The following CIZ1 variants were observed in gnomAD, a reference collection of about 807,000 sequenced individuals.
The protein encoded by CIZ1 is cip1-interacting zinc finger protein.
A neutral mutation model predicts 118.6 loss-of-function variants in CIZ1; 58 were observed. The ratio of observed to expected loss-of-function variants is 0.49; its 90% CI spans 0.40 to 0.61. The LOEUF is 0.61. Ranked by LOEUF, CIZ1 falls within the 20% of genes least tolerant of loss-of-function variation. CIZ1 has a pLI of 0.00. For synonymous variants in CIZ1, 448 were observed against 443.4 expected (o/e 1.01, Z -0.13); for missense variants, 921 against 1,115.9 (o/e 0.83, Z 2.49).
At position 128,190,369 on chromosome 9, in the gene CIZ1, G is replaced by A. The variant is rs149987397; in HGVS notation, c.246C>T (p.Gly82=). 6.2e-7 allele frequency: 1 copy of A among 1,614,048 alleles called. No homozygotes were observed. Among genetic ancestry groups the A allele is most frequent in the Non-Finnish European group, 8.5e-7 (1 of 1,179,924 alleles). ...AAAGCAAAGCTCTCTGCAGCATGGA[G>A]CCGTTGAGGAGGGAGGCTGAGTTGG... ...QGTNSASLLN[G]SMLQRALLLQ... The change falls in exon 3 of 17, where the codon GGC becomes GGT. Residue 82 remains glycine (G), a synonymous_variant. Transcript: ENST00000372938.
At chr9:128,196,225 G>A (rs538986192), upstream of CIZ1, among the ~76,000 whole-genome samples, 5 of 152,158 alleles carry the variant, frequency 3.3e-5, no homozygotes, top group African/African-American at 7.2e-5. Flanking sequence ...AAAAACTGAC[G>A]TCTTTACCCC....
chr9:128,168,888 A>G (rs533939086), intron 14 of CIZ1, 164 bp downstream of exon 14: 8 of 998,028 alleles, frequency 8.0e-6, no homozygotes, highest in African/African-American at 1.6e-5. Context: ...GTCATCATGC[A>G]TAATTACATA....
At chr9:128,168,344 C>T (rs1261130497) in intron 14 of CIZ1, among the ~76,000 whole-genome samples, 7 of 151,944 alleles carry the variant, frequency 4.6e-5, no homozygotes, top group South Asian at 2.1e-4. Context: ...GGTGAAACCC[C>T]GTCTCTACTA....
upstream of CIZ1, chr9:128,191,938 A>G: frequency 7.0e-7 from 1 of 1,424,842 alleles, no homozygotes; most frequent in Non-Finnish European, 9.2e-7. The surrounding 1 kb of genome is among the most constrained non-coding windows in gnomAD (Gnocchi z 5.5). Flanking sequence ...GCGGATGTAC[A>G]TTCATTCGAG....
intron 5 of CIZ1, 73 bp downstream of exon 5, chr9:128,185,474 G>A: frequency 2.0e-6 from 2 of 987,808 alleles, no homozygotes; most frequent in South Asian, 1.6e-5. Flanking sequence ...CCCAGACTGA[G>A]CCAGAGCAGG....
chr9:128,179,444 C>A lies in CIZ1; in HGVS notation c.792-29G>T, dbSNP rs1337122557. ...GGAAGGATCAAAAAAAAATCCCAGT[C>A]ATGTCTTCAAAGAGGCCCCAGGGGC... On this transcript the variant is annotated intron_variant, in intron 7 of 16. Coordinates refer to ENST00000372938, the MANE Select transcript of CIZ1 (RefSeq NM_001131016.2). 4 of 1,539,656 alleles carry A rather than the reference C, an allele frequency of 2.6e-6. No individual in the cohort carries two copies. In the South Asian group the frequency reaches 3.8e-5, roughly 15 times the overall value.
rs1833084808 is a variant in CIZ1, at chr9:128,191,113, C to A, written c.-5-251G>T. On this transcript the variant is annotated intron_variant, in intron 1 of 16. Transcript: ENST00000372938. The surrounding 1 kb of genome is among the most constrained non-coding windows in gnomAD (Gnocchi z 5.5). ...CCCCCAGACACTGCCAACAGCCCCTCCTTCAAGTCCCTCCATCTCTCCATT... is the reference window on the plus strand; with the variant it reads ...CCCCCAGACACTGCCAACAGCCCCTACTTCAAGTCCCTCCATCTCTCCATT... 6.6e-6 allele frequency among the ~76,000 whole-genome samples: 1 copy of A among 152,138 alleles called. No individual in the cohort carries two copies. Among genetic ancestry groups the A allele is most frequent in the Admixed American group, 6.5e-5 (1 of 15,274 alleles).
At chr9:128,168,944 G>C (rs1425075040) in intron 14 of CIZ1, 108 bp downstream of exon 14, 3 of 1,498,730 alleles carry the variant, frequency 2.0e-6, no homozygotes, top group Non-Finnish European at 2.7e-6. Flanking sequence ...GCATGCATTA[G>C]TGCCCACAGA....
chr9:128,170,143 GC>G, intron 11 of CIZ1, 36 bp from the exon 12 acceptor site: 1 of 1,569,586 alleles, frequency 6.4e-7, no homozygotes, highest in Non-Finnish European at 8.8e-7. Context: ...ACAATGTGAC[GC>G]CAGAAAGACA....
chr9:128,180,587 A>T lies in CIZ1; in HGVS notation c.683-64T>A, dbSNP rs925079953. 13 of 1,480,832 alleles carry T rather than the reference A, an allele frequency of 8.8e-6. No homozygotes were observed. The Admixed American group carries it at 2.2e-4, about 25-fold the overall frequency. The allele number at this position is 1,480,832 out of a possible 1,614,324, so 91.7% of individuals were successfully genotyped here. A position where few individuals can be genotyped will look rare whatever the true frequency, so the allele number is the denominator to read the frequency against. On this transcript the variant is annotated intron_variant, in intron 6 of 16. Coordinates refer to ENST00000372938, the MANE Select transcript of CIZ1 (RefSeq NM_001131016.2). Reference sequence around the variant, plus strand: ...AGAGCAAGCATCTCTGACCTCCAAGAGATGGGGCCTGGGCTCCCCGCCTTC... The same window carrying T: ...AGAGCAAGCATCTCTGACCTCCAAGTGATGGGGCCTGGGCTCCCCGCCTTC...
In CIZ1 at chr9:128,179,235, T is replaced by G; in HGVS notation, c.972A>C (p.Ser324=). 1 of 1,614,168 alleles carries G rather than the reference T, an allele frequency of 6.2e-7. No individual in the cohort carries two copies. ...RVLQVQAQVQ[S]QTQPRIPSTD... The stretch of plus-strand genomic sequence containing the variant: ...TGGATGGTATCCGCGGCTGAGTCTG[T>G]GACTGCACCTGGGCCTGGACCTGCA... The change falls in exon 8 of 17, where the codon TCA becomes TCC. Residue 324 remains serine, a synonymous_variant. Transcript: ENST00000372938.
intron 14 of CIZ1, chr9:128,167,453 G>A (rs981510974): frequency 5.0e-6 from 2 of 403,862 alleles, no homozygotes; most frequent in Admixed American, 4.2e-5. Flanking sequence ...GACATCATGT[G>A]TCATTTGACT....
chr9:128,190,459 G>C lies in CIZ1; in HGVS notation c.171-15C>G, dbSNP rs45515998. ...GGGGGAGCCCCCTGTGTGTTGGGAG[G>C]GGGTGTCAGAGGGTTATTTGGAAAG... is the stretch of plus-strand genomic sequence containing the variant. On this transcript the variant is annotated splice_polypyrimidine_tract_variant and intron_variant, in intron 2 of 16. Coordinates refer to ENST00000372938, the MANE Select transcript of CIZ1 (RefSeq NM_001131016.2). 5.5e-4 allele frequency: 868 copies of C among 1,589,608 alleles called. 11 individuals carry two copies. In the South Asian group the frequency reaches 6.6e-3, roughly 12 times the overall value.
At position 128,190,384 on chromosome 9, in the gene CIZ1, G is replaced by A. The variant is rs1396302541; in HGVS notation, c.231C>T (p.Ala77=). The change falls in exon 3 of 17, where the codon GCC becomes GCT. Residue 77 remains alanine, a synonymous_variant. Transcript: ENST00000372938. ...PLLNLQGTNS[A]SLLNGSMLQR... ...GCAGCATGGAGCCGTTGAGGAGGGA[G>A]GCTGAGTTGGTGCCCTGGAGATTCA... The A allele has an allele frequency of 2.5e-6, 4 of 1,613,910 alleles. No individual in the cohort carries two copies. Among genetic ancestry groups the A allele is most frequent in the Non-Finnish European group, 3.4e-6 (4 of 1,179,948 alleles).
At chr9:128,192,057 G>A (rs1041882827), upstream of CIZ1, 1 of 616,238 alleles carries the variant, frequency 1.6e-6, no homozygotes, top group Non-Finnish European at 2.5e-6. Context: ...AGTAGATTTG[G>A]CTAAGGAAGG....
At position 128,166,631 on chromosome 9, in the gene CIZ1, T is replaced by C; in HGVS notation, c.2487+128A>G. 8.1e-7 allele frequency: 1 copy of C among 1,236,784 alleles called. No homozygotes were observed. The highest frequency in any genetic ancestry group is 2.3e-5 in the East Asian group (1 of 42,782). The allele number at this position is 1,236,784 out of a possible 1,614,324, so 76.6% of individuals were successfully genotyped here. A position where few individuals can be genotyped will look rare whatever the true frequency, so the allele number is the denominator to read the frequency against. On this transcript the variant is annotated intron_variant, in intron 16 of 16. Transcript: ENST00000372938. This position sits in a 1 kb window ranked among gnomAD's most constrained non-coding sequence, Gnocchi z 4.4. The stretch of plus-strand genomic sequence containing the variant: ...CACCCCAGCTCTAATTCTCTCCCTG[T>C]TGGTGCAGGGGTGGTGCCTGGGGAT...
Position 128,203,690 on chromosome 9 carries a change from G to A in CIZ1, c.-6+496C>T. 1.4e-6 allele frequency: 2 copies of A among 1,395,988 alleles called. No individual in the cohort carries two copies. The highest frequency in any genetic ancestry group is 1.9e-6 in the Non-Finnish European group (2 of 1,077,778). 86.5% of individuals were successfully genotyped at this position (1,395,988 alleles called of 1,614,324 possible). ...GACCCCCGGGATCCCTGGAGTCCCC[G>A]CCCGGGGCACTGACGGCGCGGCGAC... On this transcript the variant is annotated intron_variant, in intron 1 of 17. Transcript: ENST00000372948. This position sits in a 1 kb window ranked among gnomAD's most constrained non-coding sequence, Gnocchi z 5.3.
intron 4 of CIZ1, among the ~76,000 whole-genome samples, chr9:128,186,533 G>C (rs1239785928): frequency 6.6e-6 from 1 of 152,148 alleles, no homozygotes; most frequent in Admixed American, 6.5e-5. Context: ...TCCAGCCACA[G>C]CTTTTGCACA....
intron 1 of CIZ1, 71 bp from the exon 2 acceptor site, chr9:128,190,933 G>C: frequency 6.8e-7 from 1 of 1,469,572 alleles, no homozygotes; most frequent in South Asian, 1.4e-5. Flanking sequence ...CCCATCCACC[G>C]CCACTCCCCG....
Sources: gnomAD v4.1 joint callset for allele counts (sites outside exome capture counted in the v4.1 genomes callset) on GRCh38, gnomAD v4.1.1 for gene constraint, Gnocchi (gnomAD v3.1) non-coding constraint, MANE v1.5 for transcripts, NCBI Gene and HGNC (gene_info 2026-07-23, HGNC 2026-07-21) for gene names.